Variants in NPAS1 observed in about 807,000 individuals in gnomAD.
NPAS1 encodes the protein neuronal PAS domain-containing protein 1.
A neutral mutation model predicts 49.2 loss-of-function variants in NPAS1; 29 were observed. That is an observed-to-expected ratio of 0.59 (90% CI 0.44 to 0.80). The LOEUF (loss-of-function observed/expected upper bound fraction) is 0.80, where lower values mean the gene tolerates loss of function less well. Among genes scored for constraint, NPAS1 ranks in the 30% least tolerant of loss-of-function variants. NPAS1 has a pLI of 0.00. For synonymous variants in NPAS1, 408 were observed against 380.4 expected, an observed-to-expected ratio of 1.07 and a Z score of -0.84; for missense variants, 825 against 835.5, an observed-to-expected ratio of 0.99 and a Z score of 0.15.
At chr19:47,042,708 C>A in intron 10 of NPAS1, 102 bp from the exon 11 acceptor site, 1 of 877,924 alleles carries the variant, frequency 1.1e-6, no homozygotes, top group Non-Finnish European at 1.7e-6. Context: ...TCCACATTTC[C>A]CCGTGGGAGT....
chr19:47,031,664 A>G (rs1216902520), intron 3 of NPAS1, among the ~76,000 whole-genome samples: 1 of 150,766 alleles, frequency 6.6e-6, no homozygotes, highest in Non-Finnish European at 1.5e-5. Context: ...CCGAGTAGCC[A>G]GGACTACAGG....
chr19:47,025,908 A>G (rs955480406), intron 3 of NPAS1, among the ~76,000 whole-genome samples: 2 of 150,862 alleles, frequency 1.3e-5, no homozygotes, highest in African/African-American at 4.9e-5. Flanking sequence ...GGTCAGGCAC[A>G]TCCTCGCTGA....
intron 5 of NPAS1, among the ~76,000 whole-genome samples, chr19:47,034,165 T>C (rs2056929365): frequency 6.6e-6 from 1 of 151,194 alleles, no homozygotes; most frequent in Non-Finnish European, 1.5e-5. Context: ...AAATACAAAA[T>C]TAGCCAGGCG....
intron 10 of NPAS1, among the ~76,000 whole-genome samples, chr19:47,041,863 C>T (rs1271839600): frequency 2.6e-5 from 4 of 151,652 alleles, no homozygotes; most frequent in African/African-American, 9.7e-5. Flanking sequence ...ACCTGTGGTC[C>T]CAGCTACAGC....
Position 47,020,004 on chromosome 19 carries a change from G to A in NPAS1, c.-43+7G>A, listed in dbSNP as rs1039343885. On this transcript the variant is annotated splice_region_variant and intron_variant, in intron 1 of 11. Transcript: ENST00000602212. ...CGGACTGGCGGTCCTGCGGGTAGGG[G>A]AAGCTTGCGGGCTGGCAGGAGGGGG... The A allele has an allele frequency of 5.1e-6, 2 of 388,410 alleles. No individual in the cohort carries two copies. Among genetic ancestry groups the A allele is most frequent in the Admixed American group, 4.5e-5 (1 of 22,362 alleles). 24.1% of individuals were successfully genotyped at this position (388,410 alleles called of 1,614,324 possible). A position where few individuals can be genotyped will look rare whatever the true frequency, so the allele number is the denominator to read the frequency against.
intron 3 of NPAS1, among the ~76,000 whole-genome samples, chr19:47,027,413 TG>T (rs150834253): frequency 0.13 from 13,012 of 98,606 alleles, 1,135 homozygotes; most frequent in East Asian, 0.29. Flanking sequence ...CTCTGCCCCC[TG>T]GGTCCCCCTC....
intron 3 of NPAS1, among the ~76,000 whole-genome samples, chr19:47,030,180 C>T (rs1028653319): frequency 5.3e-5 from 8 of 152,032 alleles, no homozygotes; most frequent in African/African-American, 9.7e-5. Flanking sequence ...CACGCCACCA[C>T]GCCCAGCTAA....
chr19:47,040,743 G>GT (rs1471922903), intron 9 of NPAS1, 193 bp downstream of exon 9: 16 of 596,820 alleles, frequency 2.7e-5, no homozygotes, highest in Non-Finnish European at 4.4e-5. Context: ...GTGTGTGGGG[G>GT]GGGGGTCTGG....
intron 3 of NPAS1, among the ~76,000 whole-genome samples, chr19:47,023,964 G>T (rs528897197): frequency 6.6e-6 from 1 of 151,994 alleles, no homozygotes; most frequent in Non-Finnish European, 1.5e-5. Flanking sequence ...AATTAGCCGG[G>T]CGTGGTGGTG....
rs756833259 is a variant in NPAS1, at chr19:47,045,198, G to A, written c.1320G>A (p.Glu440=). Reference sequence around the variant, plus strand: ...AGCATCTTCCTCTTCCAGAGCCGGAGCCTCCGACGGAAGGGAAGCAGGCTG... The same window carrying A: ...AGCATCTTCCTCTTCCAGAGCCGGAACCTCCGACGGAAGGGAAGCAGGCTG... ...SSPGPEPTEP[E]PPTEGKQAAP... Residue 440 remains glutamate (E), a synonymous_variant, in exon 12 of 12, where the codon GAG becomes GAA. Coordinates refer to ENST00000602212, the MANE Select transcript of NPAS1 (RefSeq NM_002517.4). 1.7e-5 allele frequency: 28 copies of A among 1,613,284 alleles called. No individual in the cohort carries two copies. The highest frequency in any genetic ancestry group is 2.4e-5 in the Non-Finnish European group (28 of 1,179,812).
chr19:47,042,628 G>T (rs1043198717), intron 10 of NPAS1, among the ~76,000 whole-genome samples, 182 bp from the exon 11 acceptor site: 3 of 152,248 alleles, frequency 2.0e-5, no homozygotes, highest in Non-Finnish European at 4.4e-5. Context: ...CGAGGGCCAC[G>T]CTGGGCTAGA....
chr19:47,040,023 GGTTTGTTT>G (rs966567798), intron 8 of NPAS1, among the ~76,000 whole-genome samples: 5 of 152,036 alleles, frequency 3.3e-5, no homozygotes, highest in South Asian at 2.1e-4. Flanking sequence ...ACTGTTTTGT[GGTTTGTTT>G]GTTTGTTTGT....
chr19:47,026,218 TG>T lies in NPAS1; in HGVS notation c.358+4372del, dbSNP rs571885116. ...CCTCCCAAAGTGCTGGGGTTACAGG[TG>T]TAAGCCACTGGGCCCAGCCAAGGAA... On this transcript the variant is annotated intron_variant, in intron 3 of 11. Transcript: ENST00000602212. 2.0e-5 allele frequency among the ~76,000 whole-genome samples: 3 copies of T among 152,102 alleles called. No homozygotes were observed. In the South Asian group the frequency reaches 6.2e-4, roughly 32 times the overall value.
In NPAS1 at chr19:47,021,163, G is replaced by C; in HGVS notation, c.116G>C (p.Gly39Ala). 6.3e-7 allele frequency: 1 copy of C among 1,583,730 alleles called. No homozygotes were observed. Among genetic ancestry groups the C allele is most frequent in the Non-Finnish European group, 8.6e-7 (1 of 1,167,068 alleles). Reference sequence around the variant, plus strand: ...GGGCTGATGGTCAAGGCGCCGTCCGGACCGTGGTGAGCAAAGCCCCGCCCC... The same window carrying C: ...GGGCTGATGGTCAAGGCGCCGTCCGCACCGTGGTGAGCAAAGCCCCGCCCC... ...LPGLMVKAPS[G>A]PCLQAQRKEK... The change falls in exon 2 of 12, where the codon GGA becomes GCA. Residue 39 changes from glycine (G) to alanine (A), a missense_variant. Coordinates refer to ENST00000602212, the MANE Select transcript of NPAS1 (RefSeq NM_002517.4). This position sits in a 1 kb window ranked among gnomAD's most constrained non-coding sequence, Gnocchi z 5.7.
At chr19:47,033,134 C>T (rs1213384367) in intron 5 of NPAS1, among the ~76,000 whole-genome samples, 2 of 151,884 alleles carry the variant, frequency 1.3e-5, no homozygotes, top group African/African-American at 4.8e-5. Flanking sequence ...GATGGGGTTT[C>T]ACCATGTTAG....
chr19:47,036,815 G>A (rs1469545393), intron 6 of NPAS1, among the ~76,000 whole-genome samples: 3 of 151,908 alleles, frequency 2.0e-5, no homozygotes, highest in Non-Finnish European at 4.4e-5. Context: ...CCAGGAGATG[G>A]ATGTTGCAGT....
chr19:47,035,791 G>C, intron 5 of NPAS1, 173 bp from the exon 6 acceptor site: 1 of 646,700 alleles, frequency 1.5e-6, no homozygotes, highest in Non-Finnish European at 2.6e-6. Context: ...GTCTAAGTTT[G>C]TATCTTCCGT....
In NPAS1 at chr19:47,025,022, G is replaced by C. The variant is rs1162916800; in HGVS notation, c.358+3175G>C. 1.4e-5 allele frequency among the ~76,000 whole-genome samples: 2 copies of C among 143,362 alleles called. 1 individual carries two copies. Among genetic ancestry groups the C allele is most frequent in the East Asian group, 4.4e-4 (2 of 4,500 alleles). 94.1% of individuals were successfully genotyped at this position (143,362 alleles called of 152,430 possible). On this transcript the variant is annotated intron_variant, in intron 3 of 11. Coordinates refer to ENST00000602212, the MANE Select transcript of NPAS1 (RefSeq NM_002517.4). Reference sequence around the variant, plus strand: ...GATGGGGTTTCACCATGTTGGCCAGGCTGGTCTCGAACTCCTGACCTCCTT... The same window carrying C: ...GATGGGGTTTCACCATGTTGGCCAGCCTGGTCTCGAACTCCTGACCTCCTT...
intron 5 of NPAS1, among the ~76,000 whole-genome samples, chr19:47,033,136 C>T (rs34778894): frequency 1.1e-3 from 174 of 151,950 alleles, no homozygotes; most frequent in Non-Finnish European, 1.7e-3. Flanking sequence ...TGGGGTTTCA[C>T]CATGTTAGCC....
Sources: gnomAD v4.1 joint callset for allele counts (sites outside exome capture counted in the v4.1 genomes callset) on GRCh38, gnomAD v4.1.1 for gene constraint, Gnocchi (gnomAD v3.1) non-coding constraint, MANE v1.5 for transcripts, NCBI Gene and HGNC (gene_info 2026-07-23, HGNC 2026-07-21) for gene names.